Variants in AGBL4 observed in about 807,000 individuals in gnomAD.
The protein encoded by AGBL4 is cytosolic carboxypeptidase 6.
Under a neutral mutation model 66.4 loss-of-function variants are expected in AGBL4, and 58 were observed. The observed-to-expected ratio is 0.87, with a 90% confidence interval of 0.71 to 1.09. The LOEUF (loss-of-function observed/expected upper bound fraction) is 1.09. AGBL4 is among the 50% of genes least tolerant of loss of function. The probability of loss-of-function intolerance (pLI) is 0.00; values close to 1 mark genes in which losing one functional copy is unlikely to be tolerated. For synonymous variants in AGBL4, 234 were observed against 222.9 expected (o/e 1.05, Z -0.44); for missense variants, 579 against 631.0 (o/e 0.92, Z 0.88).
intron 8 of AGBL4, among the ~76,000 whole-genome samples, chr1:48,637,860 C>T (rs1291500766): frequency 2.0e-5 from 3 of 152,176 alleles, no homozygotes; most frequent in Admixed American, 2.0e-4. Context: ...TGGCAGGCCC[C>T]TATATTGTCC....
intron 6 of AGBL4, among the ~76,000 whole-genome samples, chr1:48,675,012 T>C (rs1187624886): frequency 3.9e-5 from 6 of 152,244 alleles, no homozygotes; most frequent in African/African-American, 1.2e-4. Context: ...ATTCATATCT[T>C]CCTGGCACTC....
chr1:49,944,549 G>T (rs1557604253), intron 1 of AGBL4, among the ~76,000 whole-genome samples: 1 of 152,004 alleles, frequency 6.6e-6, no homozygotes, highest in Non-Finnish European at 1.5e-5. Context: ...TAGGACAAAA[G>T]AATCTGAACA....
At chr1:49,799,717 C>G (rs1571592890) in intron 2 of AGBL4, among the ~76,000 whole-genome samples, 1 of 152,052 alleles carries the variant, frequency 6.6e-6, no homozygotes, top group African/African-American at 2.4e-5. Context: ...TGGTCACATA[C>G]CATATGACAT....
At chr1:48,931,406 G>T (rs1184332360) in intron 5 of AGBL4, among the ~76,000 whole-genome samples, 1 of 152,114 alleles carries the variant, frequency 6.6e-6, no homozygotes, top group Non-Finnish European at 1.5e-5. Context: ...CTTCATTCAG[G>T]TCTCTGTTCA....
chr1:49,414,533 T>C (rs889519853), intron 3 of AGBL4, among the ~76,000 whole-genome samples: 1 of 152,114 alleles, frequency 6.6e-6, no homozygotes. Flanking sequence ...CATCTGTCAA[T>C]GGTTATATGC....
chr1:48,813,218 CAGAG>C (rs1392109577), intron 6 of AGBL4, among the ~76,000 whole-genome samples: 1 of 152,034 alleles, frequency 6.6e-6, no homozygotes, highest in Non-Finnish European at 1.5e-5. Flanking sequence ...GTGAGGTAGT[CAGAG>C]GGAGTGGATT....
At chr1:48,906,482 AAAC>A (rs1443043596) in intron 5 of AGBL4, among the ~76,000 whole-genome samples, 3 of 152,102 alleles carry the variant, frequency 2.0e-5, no homozygotes, top group African/African-American at 7.2e-5. Context: ...ACAGAGGAAT[AAAC>A]AATTCTACAG....
intron 3 of AGBL4, among the ~76,000 whole-genome samples, chr1:49,283,203 G>C (rs1036211525): frequency 2.0e-5 from 3 of 152,168 alleles, no homozygotes; most frequent in Non-Finnish European, 4.4e-5. Flanking sequence ...CCTCAAGTGG[G>C]TCCCTGACCC....
At chr1:49,714,336 T>G (rs960675950) in intron 2 of AGBL4, among the ~76,000 whole-genome samples, 1 of 151,894 alleles carries the variant, frequency 6.6e-6, no homozygotes, top group Non-Finnish European at 1.5e-5. Flanking sequence ...AGTAATTTAT[T>G]TTCTCTCGTC....
chr1:48,587,266 G>A, intron 10 of AGBL4, 100 bp from the exon 11 acceptor site: 1 of 1,160,678 alleles, frequency 8.6e-7, no homozygotes, highest in Non-Finnish European at 1.2e-6. Flanking sequence ...TTCACTGTCT[G>A]AAGAGTGGGA....
At chr1:48,538,084 G>C (rs141719347) in intron 12 of AGBL4, among the ~76,000 whole-genome samples, 30 of 152,284 alleles carry the variant, frequency 2.0e-4, no homozygotes, top group African/African-American at 6.0e-4. Flanking sequence ...ATGCCATGGT[G>C]GTGGGGCACA....
chr1:49,381,095 A>G (rs1187791626), intron 3 of AGBL4, among the ~76,000 whole-genome samples: 1 of 152,186 alleles, frequency 6.6e-6, no homozygotes, highest in African/African-American at 2.4e-5. Context: ...CAACCTACTC[A>G]TCTGACAAAG....
At chr1:49,589,421 C>T (rs1571118244) in intron 3 of AGBL4, among the ~76,000 whole-genome samples, 1 of 152,114 alleles carries the variant, frequency 6.6e-6, no homozygotes, top group East Asian at 1.9e-4. Context: ...ATAGCTGTCT[C>T]AATAGACTTA....
intron 5 of AGBL4, among the ~76,000 whole-genome samples, chr1:48,943,010 T>A (rs1251333358): frequency 1.3e-5 from 2 of 152,222 alleles, no homozygotes; most frequent in African/African-American, 4.8e-5. Context: ...CATCATCTTT[T>A]CCCCTTTATC....
intron 2 of AGBL4, among the ~76,000 whole-genome samples, chr1:49,742,498 T>C (rs1320768790): frequency 2.6e-5 from 4 of 151,660 alleles, no homozygotes; most frequent in African/African-American, 9.7e-5. Context: ...ACAGATTCAA[T>C]GCCATCCCCA....
At chr1:49,661,657 A>C (rs1310847748) in intron 3 of AGBL4, among the ~76,000 whole-genome samples, 2 of 152,112 alleles carry the variant, frequency 1.3e-5, no homozygotes, top group African/African-American at 4.8e-5. Flanking sequence ...ACCCAGTCTA[A>C]AGTATTCCTT....
At chr1:49,231,862 TA>T (rs1222604701) in intron 4 of AGBL4, among the ~76,000 whole-genome samples, 1 of 152,200 alleles carries the variant, frequency 6.6e-6, no homozygotes, top group African/African-American at 2.4e-5. Context: ...TTCAATAAGT[TA>T]TATAAGGTAT....
chr1:49,745,301 A>G (rs1650897375), intron 2 of AGBL4, among the ~76,000 whole-genome samples: 1 of 152,060 alleles, frequency 6.6e-6, no homozygotes, highest in Non-Finnish European at 1.5e-5. Context: ...CATGGTCCAA[A>G]AAAAGATGAG....
At chr1:48,698,580 A>G (rs1314051470) in intron 6 of AGBL4, among the ~76,000 whole-genome samples, 1 of 152,184 alleles carries the variant, frequency 6.6e-6, no homozygotes, top group Non-Finnish European at 1.5e-5. Flanking sequence ...TGCCCAGCTC[A>G]CAGCAGCCCT....
Sources: gnomAD v4.1 joint callset for allele counts (sites outside exome capture counted in the v4.1 genomes callset) on GRCh38, gnomAD v4.1.1 for gene constraint, MANE v1.5 for transcripts, NCBI Gene and HGNC (gene_info 2026-07-23, HGNC 2026-07-21) for gene names.